Variants in HYCC2 observed in about 807,000 individuals in gnomAD.
The protein encoded by HYCC2 is hyccin PI4KA lipid kinase complex subunit 2.
At chr2:201,021,999 A>T in the HYCC2 span, 1 of 1,029,326 alleles carries the variant, frequency 9.7e-7, no homozygotes, top group Non-Finnish European at 1.3e-6. Context: ...GCAAGCTTTT[A>T]GTGGTAGGAC....
chr2:201,012,894 G>A, the HYCC2 span, among the ~76,000 whole-genome samples: 36 of 150,736 alleles, frequency 2.4e-4, no homozygotes, highest in Non-Finnish European at 4.7e-4. Context: ...GCAGTGAGCC[G>A]AGATCACACT....
At chr2:200,984,565 AGGT>A in the HYCC2 span, among the ~76,000 whole-genome samples, 18 of 152,238 alleles carry the variant, frequency 1.2e-4, no homozygotes, top group Non-Finnish European at 2.2e-4. Context: ...GACTTTTCAT[AGGT>A]TTTAGTAATT....
chr2:200,983,793 T>C, the HYCC2 span, among the ~76,000 whole-genome samples: 1 of 152,144 alleles, frequency 6.6e-6, no homozygotes, highest in Non-Finnish European at 1.5e-5. Context: ...AAATGTATCA[T>C]TAGGTATATT....
the HYCC2 span, among the ~76,000 whole-genome samples, chr2:201,046,235 T>G: frequency 2.2e-4 from 33 of 152,336 alleles, no homozygotes; most frequent in Admixed American, 3.9e-4. Flanking sequence ...TAATAACTAT[T>G]TTCATGTGTT....
the HYCC2 span, among the ~76,000 whole-genome samples, chr2:201,039,671 C>T: frequency 1.3e-5 from 2 of 152,118 alleles, no homozygotes; most frequent in African/African-American, 4.8e-5. Context: ...ATTAGGGACA[C>T]AAATCCAATT....
At chr2:201,027,787 A>G in the HYCC2 span, among the ~76,000 whole-genome samples, 2 of 152,194 alleles carry the variant, frequency 1.3e-5, no homozygotes, top group Non-Finnish European at 2.9e-5. Context: ...AAAACTCTCA[A>G]TAAACTAGGT....
chr2:200,994,423 G>A, the HYCC2 span, among the ~76,000 whole-genome samples: 2 of 152,054 alleles, frequency 1.3e-5, no homozygotes, highest in South Asian at 4.1e-4. Context: ...AATTAGTAGA[G>A]ATGGGGTTTC....
chr2:201,038,230 A>G, the HYCC2 span, among the ~76,000 whole-genome samples: 2 of 152,194 alleles, frequency 1.3e-5, no homozygotes, highest in African/African-American at 2.4e-5. Flanking sequence ...GATCATTACA[A>G]AGTCAGGAAA....
chr2:200,988,615 A>G, the HYCC2 span, among the ~76,000 whole-genome samples: 1 of 152,200 alleles, frequency 6.6e-6, no homozygotes, highest in Non-Finnish European at 1.5e-5. Flanking sequence ...CACATACCCC[A>G]CTGATGCCTT....
At chr2:200,997,960 C>T in the HYCC2 span, among the ~76,000 whole-genome samples, 4 of 152,146 alleles carry the variant, frequency 2.6e-5, no homozygotes, top group South Asian at 2.1e-4. Context: ...TGCTTGAACC[C>T]GGGAGGCGGA....
the HYCC2 span, chr2:200,978,944 T>C: frequency 6.6e-6 from 1 of 152,190 alleles, no homozygotes; most frequent in Non-Finnish European, 1.5e-5. Flanking sequence ...AATGCACAAT[T>C]TGAATTGAAA....
chr2:201,028,420 A>G, the HYCC2 span, among the ~76,000 whole-genome samples: 1 of 152,112 alleles, frequency 6.6e-6, no homozygotes, highest in Non-Finnish European at 1.5e-5. Flanking sequence ...GCCATCCCCA[A>G]CAAGCTACCA....
At chr2:201,037,366 T>G in the HYCC2 span, among the ~76,000 whole-genome samples, 13 of 152,210 alleles carry the variant, frequency 8.5e-5, no homozygotes, top group African/African-American at 3.1e-4. Context: ...ACCAATGACC[T>G]TCTTCACAGA....
chr2:201,059,762 T>C, the HYCC2 span, among the ~76,000 whole-genome samples: 1 of 152,114 alleles, frequency 6.6e-6, no homozygotes, highest in African/African-American at 2.4e-5. Flanking sequence ...AGCCCTCTTA[T>C]TGACTGGGTG....
chr2:201,012,660 T>C, the HYCC2 span, among the ~76,000 whole-genome samples: 3 of 152,066 alleles, frequency 2.0e-5, no homozygotes, highest in Non-Finnish European at 4.4e-5. Flanking sequence ...AATAAATATG[T>C]GCAGTCAGGC....
At chr2:201,067,763 C>T in the HYCC2 span, among the ~76,000 whole-genome samples, 2 of 152,260 alleles carry the variant, frequency 1.3e-5, no homozygotes, top group East Asian at 3.9e-4. Flanking sequence ...TGAATTACTC[C>T]AACTCTTATT....
At chr2:200,999,983 G>A in the HYCC2 span, among the ~76,000 whole-genome samples, 8 of 147,700 alleles carry the variant, frequency 5.4e-5, no homozygotes, top group Admixed American at 2.1e-4. Context: ...ACTCGAACCC[G>A]AGAGGCGGAG....
the HYCC2 span, chr2:200,996,437 G>A: frequency 6.6e-6 from 1 of 152,184 alleles, no homozygotes; most frequent in Middle Eastern, 3.4e-3. Context: ...TGACCTGCCT[G>A]TGCAACATTG....
the HYCC2 span, among the ~76,000 whole-genome samples, chr2:201,044,706 GCTA>G: frequency 6.6e-6 from 1 of 152,090 alleles, no homozygotes. Flanking sequence ...ATGGATGCTT[GCTA>G]CTATTATTAT....
Sources: allele counts gnomAD v4.1 joint callset (sites outside exome capture counted in the v4.1 genomes callset), GRCh38; gene constraint gnomAD v4.1.1; transcripts MANE v1.5; gene names NCBI Gene and HGNC (gene_info 2026-07-23, HGNC 2026-07-21).